The following CAPN3 variants were observed in gnomAD, a reference collection of about 807,000 sequenced individuals.
CAPN3 encodes calpain 3.
In CAPN3, 88 loss-of-function variants were observed where a neutral mutation model predicts 114.0. The ratio of observed to expected loss-of-function variants is 0.77; its 90% CI spans 0.65 to 0.92. The LOEUF is 0.92. Ranked by LOEUF, CAPN3 falls within the 40% of genes least tolerant of loss-of-function variation. The probability of loss-of-function intolerance (pLI) is 0.00; values close to 1 mark genes in which losing one functional copy is unlikely to be tolerated. For synonymous variants in CAPN3, 386 were observed against 382.9 expected (o/e 1.01, Z -0.09); for missense variants, 1,028 against 1,069.0 (o/e 0.96, Z 0.53).
intron 1 of CAPN3, among the ~76,000 whole-genome samples, chr15:42,378,971 C>T (rs978506301): frequency 2.0e-5 from 3 of 151,988 alleles, no homozygotes; most frequent in African/African-American, 2.4e-5. Context: ...TTATTGATTT[C>T]GAGTATCATT....
At chr15:42,399,673 G>T in intron 10 of CAPN3, 21 bp downstream of exon 10, 1 of 1,581,224 alleles carries the variant, frequency 6.3e-7, no homozygotes. Flanking sequence ...CTCTTGATGG[G>T]GGGAGGGTCT....
chr15:42,360,120 T>C lies in CAPN3; in HGVS notation c.309+6T>C. 1 of 1,614,112 alleles carries C rather than the reference T, an allele frequency of 6.2e-7. No homozygotes were observed. The highest frequency in any genetic ancestry group is 8.5e-7 in the Non-Finnish European group (1 of 1,179,998). Reference sequence around the variant, plus strand: ...TCGTCTGGAAGAGACCTCCGGTGAGTAGCTTCCTGCTTGCTGGCTGGGTTT... The same window carrying C: ...TCGTCTGGAAGAGACCTCCGGTGAGCAGCTTCCTGCTTGCTGGCTGGGTTT... On this transcript the variant is annotated splice_donor_region_variant and intron_variant, in intron 1 of 23. Coordinates refer to ENST00000397163, the MANE Select transcript of CAPN3 (RefSeq NM_000070.3).
intron 1 of CAPN3, among the ~76,000 whole-genome samples, chr15:42,367,760 G>A (rs1468422303): frequency 6.6e-6 from 1 of 152,122 alleles, no homozygotes; most frequent in African/African-American, 2.4e-5. Flanking sequence ...TTCTCTGGCT[G>A]TGACCCAAAA....
At chr15:42,368,918 G>C (rs1050074043) in intron 1 of CAPN3, among the ~76,000 whole-genome samples, 1 of 152,118 alleles carries the variant, frequency 6.6e-6, no homozygotes, top group Non-Finnish European at 1.5e-5. Context: ...CAGGTATGGT[G>C]GTTTGTGCCT....
chr15:42,408,754 T>G, intron 16 of CAPN3: 1 of 339,492 alleles, frequency 2.9e-6, no homozygotes, highest in Non-Finnish European at 5.8e-6. Flanking sequence ...GGTGTTAGAT[T>G]GGAGTGGGAG....
chr15:42,381,491 G>T (rs749646424), intron 1 of CAPN3, among the ~76,000 whole-genome samples: 8 of 152,020 alleles, frequency 5.3e-5, no homozygotes, highest in Non-Finnish European at 1.2e-4. Flanking sequence ...AACACTATAG[G>T]CAATATATTA....
intron 4 of CAPN3, among the ~76,000 whole-genome samples, chr15:42,388,243 A>G (rs2053455555): frequency 6.6e-6 from 1 of 152,186 alleles, no homozygotes; most frequent in African/African-American, 2.4e-5. Flanking sequence ...ATGTGCTTAT[A>G]GCAGATTTAT....
At chr15:42,406,052 C>T in intron 15 of CAPN3, 109 bp downstream of exon 15, 3 of 946,800 alleles carry the variant, frequency 3.2e-6, no homozygotes, top group Non-Finnish European at 5.1e-6. Context: ...CCAGACTTGC[C>T]TCTTCCTCCC....
chr15:42,398,634 C>CGT (rs1566979037), intron 9 of CAPN3, among the ~76,000 whole-genome samples: 1,495 of 123,998 alleles, frequency 0.012, 39 homozygotes, highest in African/African-American at 0.047. Context: ...CACACACACA[C>CGT]ATATATATAC....
chr15:42,381,780 C>T (rs995400442), intron 1 of CAPN3, among the ~76,000 whole-genome samples: 5 of 152,084 alleles, frequency 3.3e-5, no homozygotes, highest in African/African-American at 9.7e-5. Flanking sequence ...CCTCGTGATC[C>T]GCCCACCTCA....
Position 42,412,000 on chromosome 15 carries a change from T to A in CAPN3, c.*227T>A. 1 of 1,508,864 alleles carries A rather than the reference T, an allele frequency of 6.6e-7. No homozygotes were observed. Among genetic ancestry groups the A allele is most frequent in the Non-Finnish European group, 8.8e-7 (1 of 1,130,878 alleles). The allele number at this position is 1,508,864 out of a possible 1,614,324, so 93.5% of individuals were successfully genotyped here. A position where few individuals can be genotyped will look rare whatever the true frequency, so the allele number is the denominator to read the frequency against. On this transcript the variant is annotated 3_prime_UTR_variant, in exon 24 of 24. Transcript: ENST00000397163. ...ATGAGGTAGGAAGAACAAACCCTTG[T>A]CCCTTTGCCATGTGGAGGAAAGTGC...
Position 42,405,919 on chromosome 15 carries a change from T to C in CAPN3, c.1783-7T>C, listed in dbSNP as rs758697459. On this transcript the variant is annotated splice_polypyrimidine_tract_variant and splice_region_variant and intron_variant, in intron 14 of 23. Transcript: ENST00000397163. ...TTCTGCATTTACTGTTTCCTTTTCT[T>C]ATGCAGAAAAAGAAAAAAACCAAGG... is the stretch of plus-strand genomic sequence containing the variant. 6.2e-7 allele frequency: 1 copy of C among 1,610,742 alleles called. No individual in the cohort carries two copies. The highest frequency in any genetic ancestry group is 1.7e-5 in the Admixed American group (1 of 60,012).
intron 2 of CAPN3, 30 bp downstream of exon 2, chr15:42,384,582 C>G: frequency 1.3e-6 from 2 of 1,510,720 alleles, no homozygotes; most frequent in Non-Finnish European, 9.2e-7. Context: ...CAGATCCTGC[C>G]AGATGATCAA....
At position 42,409,346 on chromosome 15, in the gene CAPN3, A is replaced by T; in HGVS notation, c.1958A>T (p.Gln653Leu). The change falls in exon 17 of 24, where the codon CAA (glutamine) becomes CTA (leucine). Residue 653 changes from glutamine (Q) to leucine (L), a missense_variant. Coordinates refer to ENST00000397163, the MANE Select transcript of CAPN3 (RefSeq NM_000070.3). ...SSDQESEEQQ[Q>L]FRNIFKQIAG... ...GATCAGGAAAGTGAGGAACAGCAAC[A>T]ATTCCGGAACATTTTCAAGCAGATA... The T allele has an allele frequency of 6.2e-7, 1 of 1,614,096 alleles. No homozygotes were observed. The highest frequency in any genetic ancestry group is 1.7e-5 in the Admixed American group (1 of 60,034).
intron 8 of CAPN3, among the ~76,000 whole-genome samples, chr15:42,395,494 T>A (rs28364461): frequency 1.3e-5 from 2 of 152,296 alleles, no homozygotes; most frequent in East Asian, 3.9e-4. Context: ...AGAGGGGGCC[T>A]CTGCACCTAG....
In CAPN3 at chr15:42,389,836, T is replaced by C. The variant is rs1195654580; in HGVS notation, c.802-117T>C. The stretch of plus-strand genomic sequence containing the variant: ...TTCCTCCATTCGTGCTCTGTTGATC[T>C]CTCCTCTCTCCCTTTGTCTGTCCCA... On this transcript the variant is annotated intron_variant, in intron 5 of 23. Coordinates refer to ENST00000397163, the MANE Select transcript of CAPN3 (RefSeq NM_000070.3). 7 of 1,097,378 alleles carry C rather than the reference T, an allele frequency of 6.4e-6. No homozygotes were observed. In the African/African-American group the frequency reaches 9.3e-5, roughly 15 times the overall value. The allele number at this position is 1,097,378 out of a possible 1,614,324, so 68.0% of individuals were successfully genotyped here. A position where few individuals can be genotyped will look rare whatever the true frequency, so the allele number is the denominator to read the frequency against.
chr15:42,361,626 A>G (rs907012074), intron 1 of CAPN3, among the ~76,000 whole-genome samples: 5 of 152,136 alleles, frequency 3.3e-5, no homozygotes, highest in African/African-American at 7.2e-5. Context: ...GAGTAGTTGG[A>G]CATGTCACAA....
chr15:42,402,438 G>A (rs1463411275), intron 12 of CAPN3: 2 of 1,431,584 alleles, frequency 1.4e-6, no homozygotes, highest in South Asian at 1.5e-5. Flanking sequence ...GACGCGTTCT[G>A]AGGGTGGCTG....
Position 42,411,819 on chromosome 15 carries a change from C to T in CAPN3, c.*46C>T. 6.2e-7 allele frequency: 1 copy of T among 1,613,206 alleles called. No individual in the cohort carries two copies. The highest frequency in any genetic ancestry group is 8.5e-7 in the Non-Finnish European group (1 of 1,179,656). On this transcript the variant is annotated 3_prime_UTR_variant, in exon 24 of 24. Coordinates refer to ENST00000397163, the MANE Select transcript of CAPN3 (RefSeq NM_000070.3). ...AGCCATGCAGGATCACTCAGGATTT[C>T]AGTTTCACCCTCTATTTCCAAAGCC...
Sources: gnomAD v4.1 joint callset for allele counts (sites outside exome capture counted in the v4.1 genomes callset) on GRCh38, gnomAD v4.1.1 for gene constraint, MANE v1.5 for transcripts, NCBI Gene and HGNC (gene_info 2026-07-23, HGNC 2026-07-21) for gene names.